Variants in ASCC2 observed in about 807,000 individuals in gnomAD.
The protein encoded by ASCC2 is ASC-1 complex subunit P100.
ASCC2 carries 42 observed loss-of-function variants against 93.5 expected under a neutral mutation model. The observed-to-expected ratio is 0.45, with a 90% confidence interval of 0.35 to 0.58. The LOEUF is 0.58. ASCC2 is among the 20% of genes least tolerant of loss of function. The pLI is 0.00. For missense variants in ASCC2, 859 were observed against 977.6 expected, an observed-to-expected ratio of 0.88 and a Z score of 1.62; for synonymous variants, 364 against 384.2, an observed-to-expected ratio of 0.95 and a Z score of 0.62.
intron 13 of ASCC2, among the ~76,000 whole-genome samples, chr22:29,803,886 A>T (rs1376534161): frequency 6.6e-6 from 1 of 152,190 alleles, no homozygotes; most frequent in African/African-American, 2.4e-5. Context: ...GGAGCACTGA[A>T]GGCCAGTCAG....
chr22:29,795,088 C>T (rs1031957748), intron 15 of ASCC2, among the ~76,000 whole-genome samples: 2 of 151,952 alleles, frequency 1.3e-5, no homozygotes, highest in African/African-American at 4.8e-5. Flanking sequence ...CTATGCCTGG[C>T]TAATTTTTGT....
chr22:29,813,018 AATAC>A (rs1423562845), intron 8 of ASCC2, among the ~76,000 whole-genome samples: 3 of 151,908 alleles, frequency 2.0e-5, no homozygotes, highest in Non-Finnish European at 2.9e-5. Flanking sequence ...AGTAGCTGGG[AATAC>A]AGGTGCATGC....
At chr22:29,819,431 G>T (rs2061294065) in intron 5 of ASCC2, among the ~76,000 whole-genome samples, 1 of 152,118 alleles carries the variant, frequency 6.6e-6, no homozygotes, top group Non-Finnish European at 1.5e-5. Flanking sequence ...CAAAATGCTG[G>T]AATTACAGGC....
intron 2 of ASCC2, among the ~76,000 whole-genome samples, chr22:29,827,015 G>A (rs55653824): frequency 0.016 from 2,446 of 148,390 alleles, 32 homozygotes; most frequent in Non-Finnish European, 0.025. Flanking sequence ...GAAGAACGGC[G>A]TGAACCCGGG....
Position 29,793,586 on chromosome 22 carries a change from C to G in ASCC2, c.1779G>C (p.Val593=). Residue 593 remains valine, a synonymous_variant, in exon 16 of 20, where the codon GTG becomes GTC. Coordinates refer to ENST00000307790, the MANE Select transcript of ASCC2 (RefSeq NM_032204.5). ...GGCCTTGGTGGCCTACCTCCTCCAC[C>G]ACCACGCTGTACTGCTCGTAGCGCT... The part of the protein sequence containing the change: ...QRQRYEQYSV[V]VEEVPLQPGE... 1 of 1,612,632 alleles carries G rather than the reference C, an allele frequency of 6.2e-7. No individual in the cohort carries two copies. The highest frequency in any genetic ancestry group is 2.2e-5 in the East Asian group (1 of 44,820).
intron 1 of ASCC2, chr22:29,833,475 C>A: frequency 2.5e-6 from 1 of 402,810 alleles, no homozygotes; most frequent in South Asian, 1.8e-5. Context: ...AGAGAAGGAC[C>A]AGGGAAAAAG....
chr22:29,819,469 C>T (rs2148083754), intron 5 of ASCC2, among the ~76,000 whole-genome samples: 1 of 152,248 alleles, frequency 6.6e-6, no homozygotes, highest in East Asian at 1.9e-4. Flanking sequence ...GCCTCAACAA[C>T]CCAATGTAAT....
At position 29,822,472 on chromosome 22, in the gene ASCC2, A is replaced by C; in HGVS notation, c.412-8T>G. ...AGGGGAAATGAAGTGATCCTAAGGA[A>C]AAATGCAGAGAGAAAGGATAGAGAT... On this transcript the variant is annotated splice_region_variant and splice_polypyrimidine_tract_variant and intron_variant, in intron 4 of 19. Transcript: ENST00000307790. 1 of 1,613,454 alleles carries C rather than the reference A, an allele frequency of 6.2e-7. No individual in the cohort carries two copies. The highest frequency in any genetic ancestry group is 8.5e-7 in the Non-Finnish European group (1 of 1,179,694).
chr22:29,802,151 G>T lies in ASCC2; in HGVS notation c.1411C>A (p.Leu471Ile). The part of the protein sequence containing the change: ...PAMCGVELDS[L>I]ISQVKDLLPD... ...AGCAGGTCCTTCACTTGGGAGATGA[G>T]AGAGTCCAGTTCCACCCCACACATG... Residue 471 changes from leucine to isoleucine, a missense_variant, in exon 14 of 20, where the codon CTC becomes ATC. By Grantham distance (5) the Leu-to-Ile change is conservative. Coordinates refer to ENST00000307790, the MANE Select transcript of ASCC2 (RefSeq NM_032204.5). The T allele has an allele frequency of 6.2e-7, 1 of 1,614,228 alleles. No homozygotes were observed. Among genetic ancestry groups the T allele is most frequent in the Non-Finnish European group, 8.5e-7 (1 of 1,180,048 alleles).
chr22:29,796,328 C>G (rs979990705), intron 15 of ASCC2, among the ~76,000 whole-genome samples: 30 of 152,092 alleles, frequency 2.0e-4, no homozygotes, highest in African/African-American at 6.3e-4. Context: ...CTGTGCCGGG[C>G]AGGGTATGAG....
chr22:29,802,260 G>A (rs934899994), intron 13 of ASCC2, 52 bp from the exon 14 acceptor site: 3 of 1,573,240 alleles, frequency 1.9e-6, no homozygotes, highest in African/African-American at 1.3e-5. Context: ...GCCGGTGATA[G>A]GGCCACAGGC....
chr22:29,814,767 C>T lies in ASCC2; in HGVS notation c.610G>A (p.Val204Ile). 1 of 1,609,582 alleles carries T rather than the reference C, an allele frequency of 6.2e-7. No homozygotes were observed. Among genetic ancestry groups the T allele is most frequent in the Non-Finnish European group, 8.5e-7 (1 of 1,177,552 alleles). The change falls in exon 7 of 20, where the codon GTC becomes ATC. Residue 204 changes from valine (V) to isoleucine (I), a missense_variant and splice_region_variant. Physicochemically the swap from Val to Ile is conservative, Grantham distance 29. Transcript: ENST00000307790. Reference protein sequence around the residue: ...LDETLPTILQVFSNILQHCGL... With the variant: ...LDETLPTILQIFSNILQHCGL... ...CAGTGCTGGAGGATATTGCTGAAGA[C>T]CTGTGAAAGACAAGAACGGGCTCTC...
chr22:29,789,225 G>T, intron 19 of ASCC2, 41 bp from the exon 20 acceptor site: 1 of 1,611,574 alleles, frequency 6.2e-7, no homozygotes, highest in Non-Finnish European at 8.5e-7. Flanking sequence ...CCTGTCAGCC[G>T]GAAGAGGCTC....
At chr22:29,834,213 T>C (rs2063497286) in intron 1 of ASCC2, 1 of 224,642 alleles carries the variant, frequency 4.5e-6, no homozygotes, top group South Asian at 5.5e-5. Flanking sequence ...CTATTCACTA[T>C]ACTGTGTCTA....
chr22:29,836,042 A>G (rs1406422631), intron 1 of ASCC2, among the ~76,000 whole-genome samples: 2 of 152,066 alleles, frequency 1.3e-5, no homozygotes, highest in Non-Finnish European at 2.9e-5. Flanking sequence ...TCCGCCTGCA[A>G]TCAGCACTTT....
chr22:29,802,270 C>T (rs923846053), intron 13 of ASCC2, 62 bp from the exon 14 acceptor site: 6 of 1,520,896 alleles, frequency 3.9e-6, no homozygotes, highest in Middle Eastern at 2.2e-4. Flanking sequence ...GGGCCACAGG[C>T]CCCAGACAGC....
chr22:29,822,575 T>A (rs2061691902), intron 4 of ASCC2, 111 bp from the exon 5 acceptor site: 2 of 1,303,046 alleles, frequency 1.5e-6, no homozygotes, highest in Non-Finnish European at 2.1e-6. Flanking sequence ...GACTGGTTAA[T>A]GATGCCTTAT....
Position 29,788,929 on chromosome 22 carries a change from C to T in ASCC2, c.*84G>A, listed in dbSNP as rs565880057. Reference sequence around the variant, plus strand: ...TTGAGGGGTTGAGTTGAACTTGGGGCCCCTAGTGAGGAGGCCCCAGGCGAT... The same window carrying T: ...TTGAGGGGTTGAGTTGAACTTGGGGTCCCTAGTGAGGAGGCCCCAGGCGAT... On this transcript the variant is annotated 3_prime_UTR_variant, in exon 20 of 20. Coordinates refer to ENST00000307790, the MANE Select transcript of ASCC2 (RefSeq NM_032204.5). 1.9e-5 allele frequency: 30 copies of T among 1,562,470 alleles called. No individual in the cohort carries two copies. The East Asian group carries it at 4.1e-4, about 21-fold the overall frequency.
At chr22:29,837,059 A>C (rs993395478) in intron 1 of ASCC2, among the ~76,000 whole-genome samples, 7 of 152,370 alleles carry the variant, frequency 4.6e-5, no homozygotes, top group Non-Finnish European at 8.8e-5. Flanking sequence ...CTGTGGCAGC[A>C]TTTAAAAGAG....
Sources: gnomAD v4.1 joint callset for allele counts (sites outside exome capture counted in the v4.1 genomes callset) on GRCh38, gnomAD v4.1.1 for gene constraint, MANE v1.5 for transcripts, NCBI Gene and HGNC (gene_info 2026-07-23, HGNC 2026-07-21) for gene names.